PIEZO2: variants seen among roughly 807,000 people sequenced by gnomAD.
PIEZO2 encodes piezo type mechanosensitive ion channel component 2, also known as piezo-type mechanosensitive ion channel component 2.
Under a neutral mutation model 337.3 loss-of-function variants are expected in PIEZO2, and 172 were observed. The ratio of observed to expected loss-of-function variants is 0.51; its 90% CI spans 0.45 to 0.58. The LOEUF (loss-of-function observed/expected upper bound fraction) is 0.58. Among genes scored for constraint, PIEZO2 ranks in the 20% least tolerant of loss-of-function variants. The pLI is 0.00. For missense variants in PIEZO2, 3,028 were observed against 3,391.3 expected, an observed-to-expected ratio of 0.89 and a Z score of 2.66; for synonymous variants, 1,251 against 1,228.5, an observed-to-expected ratio of 1.02 and a Z score of -0.38.
chr18:11,049,892 T>C (rs932003423), intron 2 of PIEZO2, among the ~76,000 whole-genome samples: 1 of 152,120 alleles, frequency 6.6e-6, no homozygotes, highest in Non-Finnish European at 1.5e-5. Context: ...GAAAACGGAG[T>C]AATACAAAAG....
chr18:10,691,280 G>A lies in PIEZO2; in HGVS notation c.7294C>T (p.Leu2432=). 1 of 1,614,072 alleles carries A rather than the reference G, an allele frequency of 6.2e-7. No homozygotes were observed. The highest frequency in any genetic ancestry group is 8.5e-7 in the Non-Finnish European group (1 of 1,180,000). Residue 2432 remains leucine (L), a synonymous_variant, in exon 48 of 56, where the codon CTG becomes TTG. Transcript: ENST00000674853. ...QIRCGYPTRV[L]GNFLTKSYNY... ...TAGCTCTTGGTGAGGAAGTTCCCCA[G>A]GACTCGCGTTGGGTAGCCACAACGG...
intron 4 of PIEZO2, among the ~76,000 whole-genome samples, chr18:10,906,086 A>T (rs192952797): frequency 6.5e-4 from 99 of 152,252 alleles, no homozygotes; most frequent in African/African-American, 1.8e-3. Context: ...GGCTGCGGTC[A>T]CCCCAAAAGA....
chr18:11,089,590 C>T (rs1598942291), intron 1 of PIEZO2, among the ~76,000 whole-genome samples: 3 of 152,216 alleles, frequency 2.0e-5, no homozygotes, highest in African/African-American at 7.2e-5. Flanking sequence ...CATTTCTGAA[C>T]ACTGTGTGGT....
Position 10,813,911 on chromosome 18 carries a change from C to T in PIEZO2, c.918-6637G>A, listed in dbSNP as rs1485477762. 6.6e-6 allele frequency among the ~76,000 whole-genome samples: 1 copy of T among 151,942 alleles called. No individual in the cohort carries two copies. Among genetic ancestry groups the T allele is most frequent in the Non-Finnish European group, 1.5e-5 (1 of 68,002 alleles). Reference sequence around the variant, plus strand: ...CAGTTTCCCTATAGCCTTGCCAAGTCTTGTTATTTTATGCTTTTCAGAGTA... The same window carrying T: ...CAGTTTCCCTATAGCCTTGCCAAGTTTTGTTATTTTATGCTTTTCAGAGTA... On this transcript the variant is annotated intron_variant, in intron 7 of 55. Coordinates refer to ENST00000674853, the MANE Select transcript of PIEZO2 (RefSeq NM_001378183.1). This position sits in a 1 kb window ranked among gnomAD's most constrained non-coding sequence, Gnocchi z 4.2.
chr18:10,887,681 T>G (rs2042646962), intron 4 of PIEZO2, among the ~76,000 whole-genome samples: 1 of 152,240 alleles, frequency 6.6e-6, no homozygotes, highest in African/African-American at 2.4e-5. Flanking sequence ...TTGGGAAGCA[T>G]GTGTTGCATT....
In PIEZO2 at chr18:11,132,792, C is replaced by T. The variant is rs1204104688; in HGVS notation, c.64+15733G>A. 3.9e-5 allele frequency among the ~76,000 whole-genome samples: 6 copies of T among 152,110 alleles called. No individual in the cohort carries two copies. Among genetic ancestry groups the T allele is most frequent in the East Asian group, 1.9e-4 (1 of 5,190 alleles). On this transcript the variant is annotated intron_variant, in intron 1 of 55. Coordinates refer to ENST00000674853, the MANE Select transcript of PIEZO2 (RefSeq NM_001378183.1). This position sits in a 1 kb window ranked among gnomAD's most constrained non-coding sequence, Gnocchi z 4.7. The stretch of plus-strand genomic sequence containing the variant: ...AAGAAGGGAGTTACAGTGTTGGCTG[C>T]GGTGACTGACCCAGAATCACTGGGT...
Position 10,807,203 on chromosome 18 carries a change from A to C in PIEZO2, c.989T>G (p.Leu330Arg). The C allele has an allele frequency of 6.5e-7, 1 of 1,537,296 alleles. No individual in the cohort carries two copies. Among genetic ancestry groups the C allele is most frequent in the South Asian group, 1.2e-5 (1 of 84,062 alleles). Reference sequence around the variant, plus strand: ...AGGGTTGGCGTGGTGGTACCACGACAGGTCCGGGTTCACTATGATCTTCCA... The same window carrying C: ...AGGGTTGGCGTGGTGGTACCACGACCGGTCCGGGTTCACTATGATCTTCCA... The part of the protein sequence containing the change: ...STWKIIVNPD[L>R]SWYHHANPIL... Residue 330 changes from leucine to arginine, a missense_variant, in exon 8 of 56, where the codon CTG (leucine) becomes CGG (arginine). Around this residue, in one of 5 missense-constraint regions of PIEZO2, gnomAD observed 542 missense variants for 605.6 expected, o/e 0.89. Coordinates refer to ENST00000674853, the MANE Select transcript of PIEZO2 (RefSeq NM_001378183.1).
chr18:10,933,145 A>G (rs1256941158), intron 3 of PIEZO2, among the ~76,000 whole-genome samples: 1 of 152,170 alleles, frequency 6.6e-6, no homozygotes, highest in South Asian at 2.1e-4. Flanking sequence ...AACCAGGGAC[A>G]AGGCTACAAG....
rs1202030175 is a variant in PIEZO2 at position 11,127,270 on chromosome 18, C to T, written c.64+21255G>A. ...GGAAACGCTCATCAGAGCACACAGC[C>T]ACTGCAAAGAACTTAAAGCAAAAAT... On this transcript the variant is annotated intron_variant, in intron 1 of 55. Coordinates refer to ENST00000674853, the MANE Select transcript of PIEZO2 (RefSeq NM_001378183.1). The surrounding 1 kb of genome is among the most constrained non-coding windows in gnomAD (Gnocchi z 4.5). 6.6e-6 allele frequency among the ~76,000 whole-genome samples: 1 copy of T among 152,088 alleles called. No homozygotes were observed. Among genetic ancestry groups the T allele is most frequent in the Non-Finnish European group, 1.5e-5 (1 of 68,030 alleles).
rs376330753 is a variant in PIEZO2, at chr18:11,009,813, G to T, written c.161-30153C>A. ...TCCAGTATGCCCGGTGTCCTTGTAA[G>T]AAGAGGAGAGTAGGACGCGGACAGG... On this transcript the variant is annotated intron_variant, in intron 2 of 55. Transcript: ENST00000674853. This position sits in a 1 kb window ranked among gnomAD's most constrained non-coding sequence, Gnocchi z 4.6. Among the ~76,000 whole-genome samples, 22 of 152,168 alleles carry T rather than the reference G, an allele frequency of 1.4e-4. No individual in the cohort carries two copies. Among genetic ancestry groups the T allele is most frequent in the African/African-American group, 5.3e-4 (22 of 41,492 alleles).
intron 1 of PIEZO2, among the ~76,000 whole-genome samples, chr18:11,108,649 C>A: frequency 6.8e-6 from 1 of 146,580 alleles, no homozygotes; most frequent in South Asian, 2.2e-4. Flanking sequence ...AGAGTAACAG[C>A]TGACATTGAT....
rs371533612 is a variant in PIEZO2, at chr18:10,742,540, T to C, written c.4590A>G (p.Pro1530=). 2.9e-5 allele frequency: 44 copies of C among 1,537,130 alleles called. No individual in the cohort carries two copies. Among genetic ancestry groups the C allele is most frequent in the Non-Finnish European group, 3.5e-5 (40 of 1,146,894 alleles). Reference sequence around the variant, plus strand: ...GTTTTTGCATGTCCTGGCCTTCCCCTGGCTCCTGGGTCAAGCTCAGCATCC... The same window carrying C: ...GTTTTTGCATGTCCTGGCCTTCCCCCGGCTCCTGGGTCAAGCTCAGCATCC... The part of the protein sequence containing the change: ...KERMLSLTQE[P]GEGQDMQKLS... The change falls in exon 32 of 56, where the codon CCA becomes CCG. Residue 1530 remains proline, a synonymous_variant. Coordinates refer to ENST00000674853, the MANE Select transcript of PIEZO2 (RefSeq NM_001378183.1).
chr18:10,745,769 C>T (rs1301168160), intron 30 of PIEZO2, among the ~76,000 whole-genome samples: 2 of 152,126 alleles, frequency 1.3e-5, no homozygotes, highest in African/African-American at 4.8e-5. Flanking sequence ...TCCTTCAATA[C>T]TATCTGTGTG....
intron 7 of PIEZO2, among the ~76,000 whole-genome samples, chr18:10,838,970 A>G (rs2041106930): frequency 6.6e-6 from 1 of 152,214 alleles, no homozygotes; most frequent in Admixed American, 6.5e-5. Context: ...CTAAATAGCT[A>G]TAATATAAAT....
chr18:10,860,639 C>G (rs1262033884), intron 5 of PIEZO2, among the ~76,000 whole-genome samples: 1 of 152,180 alleles, frequency 6.6e-6, no homozygotes, highest in African/African-American at 2.4e-5. Context: ...TTGGCCAAAA[C>G]CTTTAGTCAT....
chr18:10,985,777 C>A (rs1281704269), intron 2 of PIEZO2, among the ~76,000 whole-genome samples: 1 of 151,778 alleles, frequency 6.6e-6, no homozygotes, highest in African/African-American at 2.4e-5. Flanking sequence ...CTACAAAAAT[C>A]ATCAAATCAC....
rs900324909 is a variant in PIEZO2, at chr18:10,837,366, C to A, written c.917+17987G>T. ...CATCTTCTGAGAATACCTTTTCCAA[C>A]TGCAGCCATCTTGCCTCTCTCACCT... On this transcript the variant is annotated intron_variant, in intron 7 of 55. Transcript: ENST00000674853. The surrounding 1 kb of genome is among the most constrained non-coding windows in gnomAD (Gnocchi z 4.4). 2.0e-5 allele frequency among the ~76,000 whole-genome samples: 3 copies of A among 152,230 alleles called. No individual in the cohort carries two copies. Among genetic ancestry groups the A allele is most frequent in the Non-Finnish European group, 4.4e-5 (3 of 68,040 alleles).
rs147120454 is a variant in PIEZO2 at position 11,032,645 on chromosome 18, A to G, written c.160+33482T>C. 6.2e-3 allele frequency among the ~76,000 whole-genome samples: 950 copies of G among 152,340 alleles called. 1 individual carries two copies. Among genetic ancestry groups the G allele is most frequent in the Middle Eastern group, 0.044 (13 of 294 alleles). ...TTCAAAAAGGCAGTATGTTCTGAGC[A>G]ATAAGGCAAATGCATTTCAGTTTTA... On this transcript the variant is annotated intron_variant, in intron 2 of 55. Transcript: ENST00000674853. This position sits in a 1 kb window ranked among gnomAD's most constrained non-coding sequence, Gnocchi z 4.9.
rs143413004 is a variant in PIEZO2 at position 11,128,583 on chromosome 18, T to G, written c.64+19942A>C. On this transcript the variant is annotated intron_variant, in intron 1 of 55. Coordinates refer to ENST00000674853, the MANE Select transcript of PIEZO2 (RefSeq NM_001378183.1). The surrounding 1 kb of genome is among the most constrained non-coding windows in gnomAD (Gnocchi z 4.1). ...CATCCCTTCCCAAACCACGCTGCCATCAGCCTTTCCACCTTTGTCTGAGGA... is the reference window on the plus strand; with the variant it reads ...CATCCCTTCCCAAACCACGCTGCCAGCAGCCTTTCCACCTTTGTCTGAGGA... Among the ~76,000 whole-genome samples, 253 of 152,262 alleles carry G rather than the reference T, an allele frequency of 1.7e-3. 1 individual carries two copies. Among genetic ancestry groups the G allele is most frequent in the African/African-American group, 5.7e-3 (237 of 41,556 alleles).
Sources: gnomAD v4.1 joint callset for allele counts (sites outside exome capture counted in the v4.1 genomes callset) on GRCh38, gnomAD v4.1.1 for gene constraint, gnomAD v4.1.1 regional missense constraint, Gnocchi (gnomAD v3.1) non-coding constraint, MANE v1.5 for transcripts, NCBI Gene and HGNC (gene_info 2026-07-23, HGNC 2026-07-21) for gene names.